The following TMCC1 variants were observed in gnomAD, a reference collection of about 807,000 sequenced individuals.
The protein encoded by TMCC1 is transmembrane and coiled-coil domain family 1.
Under a neutral mutation model 52.4 loss-of-function variants are expected in TMCC1, and 15 were observed. The observed-to-expected ratio is 0.29, with a 90% CI of 0.19 to 0.44. The LOEUF (loss-of-function observed/expected upper bound fraction) is 0.44, where lower values mean the gene tolerates loss of function less well. Ranked by LOEUF, TMCC1 falls within the 20% of genes least tolerant of loss-of-function variation. TMCC1 has a pLI of 1.00. For missense variants in TMCC1, 503 were observed against 806.0 expected (o/e 0.62, Z 4.55); for synonymous variants, 279 against 301.9 (o/e 0.92, Z 0.79).
intron 5 of TMCC1, among the ~76,000 whole-genome samples, chr3:129,656,450 T>C (rs1478470135): frequency 6.6e-6 from 1 of 152,242 alleles, no homozygotes; most frequent in African/African-American, 2.4e-5. Flanking sequence ...CATCTAAAAC[T>C]ATCTCCTTTC....
chr3:129,657,642 A>C (rs1160265952), intron 5 of TMCC1, among the ~76,000 whole-genome samples: 1 of 152,242 alleles, frequency 6.6e-6, no homozygotes, highest in Non-Finnish European at 1.5e-5. Flanking sequence ...TCACTTAGCA[A>C]AAGTGAGCTG....
At chr3:129,888,321 G>C (rs567814570) in intron 1 of TMCC1, among the ~76,000 whole-genome samples, 1 of 152,176 alleles carries the variant, frequency 6.6e-6, no homozygotes, top group Non-Finnish European at 1.5e-5. Flanking sequence ...AACATATATA[G>C]ATATGTGTAT....
chr3:129,724,717 A>C (rs1471767470), intron 4 of TMCC1, among the ~76,000 whole-genome samples: 1 of 152,238 alleles, frequency 6.6e-6, no homozygotes, highest in East Asian at 1.9e-4. Context: ...TTCTACCAAG[A>C]GAAAACAGGG....
intron 4 of TMCC1, among the ~76,000 whole-genome samples, chr3:129,712,348 T>C (rs1256547063): frequency 2.0e-5 from 3 of 152,232 alleles, no homozygotes; most frequent in Non-Finnish European, 2.9e-5. Context: ...TTATGAATTA[T>C]AATCAGATAA....
rs112980030 is a variant in TMCC1, at chr3:129,852,413, T to A, written c.-183-19587A>T. Among the ~76,000 whole-genome samples the A allele has an allele frequency of 8.7e-3, 1,149 of 132,616 alleles. 9 individuals carry two copies. The highest frequency in any genetic ancestry group is 0.031 in the African/African-American group (1,045 of 34,022). 87.0% of individuals were successfully genotyped at this position (132,616 alleles called of 152,430 possible). A position where few individuals can be genotyped will look rare whatever the true frequency, so the allele number is the denominator to read the frequency against. ...CAGAGGTTGCAGTGAGCCAAGCTCA[T>A]GCCACTGCACTCCAGCCTGGGTGAC... is the stretch of plus-strand genomic sequence containing the variant. On this transcript the variant is annotated intron_variant, in intron 2 of 6. Transcript: ENST00000393238.
intron 4 of TMCC1, among the ~76,000 whole-genome samples, chr3:129,814,556 A>G (rs772764532): frequency 5.1e-4 from 78 of 152,146 alleles, no homozygotes; most frequent in Non-Finnish European, 2.4e-4. Context: ...CTTATCAAAA[A>G]TAACACTGAA....
intron 5 of TMCC1, 40 bp from the exon 6 acceptor site, chr3:129,655,143 T>C (rs568498755): frequency 1.9e-6 from 3 of 1,598,432 alleles, no homozygotes; most frequent in African/African-American, 2.7e-5. Context: ...ATGAATTCTG[T>C]GAATATCTTT....
Position 129,893,498 on chromosome 3 carries a change from G to A in TMCC1, c.-439C>T, listed in dbSNP as rs1481980644. 2.0e-5 allele frequency: 3 copies of A among 152,068 alleles called. No individual in the cohort carries two copies. Among genetic ancestry groups the A allele is most frequent in the Non-Finnish European group, 4.4e-5 (3 of 68,062 alleles). The allele number at this position is 152,068 out of a possible 1,614,324, so 9.4% of individuals were successfully genotyped here. Reference sequence around the variant, plus strand: ...GGGGCGGGGGCGCTCACTCACCGGCGGGGAGGGGAGGAGCAGCCGGCGTCT... The same window carrying A: ...GGGGCGGGGGCGCTCACTCACCGGCAGGGAGGGGAGGAGCAGCCGGCGTCT... On this transcript the variant is annotated 5_prime_UTR_variant, in exon 1 of 7. Coordinates refer to ENST00000393238, the MANE Select transcript of TMCC1 (RefSeq NM_001017395.5).
In TMCC1 at chr3:129,651,475, C is replaced by A. The variant is rs1451151992; in HGVS notation, c.*6G>T. ...AGGGTAGGGAACAATGCCTTCTGTGCCAGCATCATCTAGGGGATGAAAAGA... is the reference window on the plus strand; with the variant it reads ...AGGGTAGGGAACAATGCCTTCTGTGACAGCATCATCTAGGGGATGAAAAGA... On this transcript the variant is annotated 3_prime_UTR_variant, in exon 7 of 7. Coordinates refer to ENST00000393238, the MANE Select transcript of TMCC1 (RefSeq NM_001017395.5). The surrounding 1 kb of genome is among the most constrained non-coding windows in gnomAD (Gnocchi z 5.1). The A allele has an allele frequency of 1.9e-6, 3 of 1,610,830 alleles. No individual in the cohort carries two copies. The highest frequency in any genetic ancestry group is 2.5e-6 in the Non-Finnish European group (3 of 1,177,760).
intron 4 of TMCC1, among the ~76,000 whole-genome samples, chr3:129,823,198 C>T (rs906538431): frequency 6.6e-5 from 10 of 151,820 alleles, no homozygotes; most frequent in Admixed American, 2.6e-4. Flanking sequence ...TGGTGATGTG[C>T]GCCTGTAATC....
intron 2 of TMCC1, among the ~76,000 whole-genome samples, chr3:129,842,516 A>G (rs908046588): frequency 1.1e-4 from 16 of 152,078 alleles, no homozygotes; most frequent in Admixed American, 6.5e-4. Flanking sequence ...GTAAGCAGAT[A>G]GATGTGACCT....
chr3:129,863,220 T>C (rs1049395745), intron 2 of TMCC1, among the ~76,000 whole-genome samples: 11 of 152,214 alleles, frequency 7.2e-5, no homozygotes, highest in Admixed American at 6.5e-4. Context: ...TATATATACA[T>C]CTTTGATCTG....
chr3:129,733,440 A>G (rs562118914), intron 4 of TMCC1, among the ~76,000 whole-genome samples: 1 of 152,360 alleles, frequency 6.6e-6, no homozygotes, highest in South Asian at 2.1e-4. Context: ...TCAAAGTGAT[A>G]GCAGTAAAAA....
intron 4 of TMCC1, among the ~76,000 whole-genome samples, chr3:129,770,580 GATAAAATAAA>G (rs1157729408): frequency 4.1e-5 from 6 of 147,636 alleles, no homozygotes; most frequent in African/African-American, 1.0e-4. Flanking sequence ...CCTGTCTTAA[GATAAAATAAA>G]ATAAAATAAA....
Position 129,801,484 on chromosome 3 carries a change from C to T in TMCC1, c.576+26319G>A, listed in dbSNP as rs369303682. ...TTTGTTTGTTTTTGTTTTCCCGAGA[C>T]GGAGTCTTGTCCTGTCACCCAGGCT... is the stretch of plus-strand genomic sequence containing the variant. On this transcript the variant is annotated intron_variant, in intron 4 of 6. Coordinates refer to ENST00000393238, the MANE Select transcript of TMCC1 (RefSeq NM_001017395.5). 7.9e-5 allele frequency among the ~76,000 whole-genome samples: 12 copies of T among 151,962 alleles called. No individual in the cohort carries two copies. The East Asian group carries it at 1.9e-3, about 25-fold the overall frequency.
At chr3:129,663,900 A>G (rs1309733109) in intron 5 of TMCC1, among the ~76,000 whole-genome samples, 2 of 152,140 alleles carry the variant, frequency 1.3e-5, no homozygotes, top group Non-Finnish European at 2.9e-5. Context: ...AACTTCAACA[A>G]CCATGTACAA....
intron 1 of TMCC1, among the ~76,000 whole-genome samples, chr3:129,889,712 T>C (rs2061875424): frequency 6.6e-6 from 1 of 152,154 alleles, no homozygotes; most frequent in African/African-American, 2.4e-5. Context: ...TAAAATATGG[T>C]CTTTGCCTTC....
At chr3:129,779,047 ATCTTGATTTGGCAATTC>A (rs2055296867) in intron 4 of TMCC1, among the ~76,000 whole-genome samples, 1 of 151,802 alleles carries the variant, frequency 6.6e-6, no homozygotes, top group East Asian at 1.9e-4. Context: ...AAACAACCGT[ATCTTGATTTGGCAATTC>A]ATTCAGAATT....
chr3:129,683,506 CT>C (rs2089175321), intron 4 of TMCC1, among the ~76,000 whole-genome samples: 1 of 152,186 alleles, frequency 6.6e-6, no homozygotes, highest in African/African-American at 2.4e-5. Context: ...CTTTGACAGA[CT>C]GTAGTTCTAG....
Sources: gnomAD v4.1 joint callset for allele counts (sites outside exome capture counted in the v4.1 genomes callset) on GRCh38, gnomAD v4.1.1 for gene constraint, Gnocchi (gnomAD v3.1) non-coding constraint, MANE v1.5 for transcripts, NCBI Gene and HGNC (gene_info 2026-07-23, HGNC 2026-07-21) for gene names.